Variants in ECRG4 observed in about 807,000 individuals in gnomAD.
The protein encoded by ECRG4 is ECRG4 augurin precursor, also known as augurin.
A neutral mutation model predicts 15.8 loss-of-function variants in ECRG4; 18 were observed. The observed-to-expected ratio is 1.14, with a 90% CI of 0.79 to 1.69. The LOEUF is 1.69. Ranked by LOEUF, ECRG4 falls within the 40% of genes most tolerant of loss-of-function variation. ECRG4 has a pLI of 0.00. For missense variants in ECRG4, 200 were observed against 190.9 expected, an observed-to-expected ratio of 1.05 and a Z score of -0.28; for synonymous variants, 82 against 73.9, an observed-to-expected ratio of 1.11 and a Z score of -0.56.
chr2:106,075,728 GAA>G (rs1161036702), intron 3 of ECRG4, among the ~76,000 whole-genome samples: 1 of 142,072 alleles, frequency 7.0e-6, no homozygotes, highest in African/African-American at 2.6e-5. Flanking sequence ...TCTCAAAAAA[GAA>G]AAAAAAAAGA....
At chr2:106,065,152 G>T (rs946973940), upstream of ECRG4, among the ~76,000 whole-genome samples, 14 of 152,050 alleles carry the variant, frequency 9.2e-5, no homozygotes, top group African/African-American at 3.4e-4. Flanking sequence ...CCCGCCTAAG[G>T]CATCCTTAAG....
chr2:106,069,214 TTTCTTTCTTCTTTCC>T (rs1676299997), intron 1 of ECRG4, among the ~76,000 whole-genome samples: 1 of 151,288 alleles, frequency 6.6e-6, no homozygotes, highest in Admixed American at 6.6e-5. Context: ...TTTATTTTCT[TTTCTTTCTTCTTTCC>T]TTCTTTCTTT....
chr2:106,075,736 A>G (rs1346458487), intron 3 of ECRG4, among the ~76,000 whole-genome samples: 2 of 151,868 alleles, frequency 1.3e-5, no homozygotes, highest in East Asian at 3.9e-4. Context: ...AAGAAAAAAA[A>G]AAGAGAGTTT....
Position 106,071,341 on chromosome 2 carries a change from AAAAAAAAAAAAG to A in ECRG4, c.80-499_80-488del, listed in dbSNP as rs1469386315. ...AGGCTGTAAAAAAAAAAAAAAAAAAAAAAAAAAAAAAGAAAGAAAGAAAAGAAAAGAAAATAA... is the reference window on the plus strand; with the variant it reads ...AGGCTGTAAAAAAAAAAAAAAAAAAAAAAGAAAGAAAAGAAAAGAAAATAA... On this transcript the variant is annotated intron_variant, in intron 1 of 3. Coordinates refer to ENST00000238044, the MANE Select transcript of ECRG4 (RefSeq NM_032411.3). 9.0e-5 allele frequency among the ~76,000 whole-genome samples: 12 copies of A among 133,506 alleles called. No homozygotes were observed. The East Asian group carries it at 3.3e-3, about 37-fold the overall frequency. The allele number at this position is 133,506 out of a possible 152,430, so 87.6% of individuals were successfully genotyped here. A position where few individuals can be genotyped will look rare whatever the true frequency, so the allele number is the denominator to read the frequency against.
At position 106,077,915 on chromosome 2, in the gene ECRG4, G is replaced by A. The variant is rs752036758; in HGVS notation, c.436G>A (p.Asp146Asn). The change falls in exon 4 of 4, where the codon GAT becomes AAT. Residue 146 changes from aspartate (D) to asparagine (N), a missense_variant. Transcript: ENST00000238044. ...TAGGCATGGAGCCAGCGTCAACTAC[G>A]ATGACTACTAACCATGACTTGCCAC... Reference protein sequence around the residue: ...GFRHGASVNYDDY With the variant: ...GFRHGASVNYNDY 6.2e-6 allele frequency: 10 copies of A among 1,613,828 alleles called. No individual in the cohort carries two copies. The highest frequency in any genetic ancestry group is 3.3e-5 in the Admixed American group (2 of 59,968).
chr2:106,066,967 C>T (rs372733083), intron 1 of ECRG4, among the ~76,000 whole-genome samples: 46 of 150,778 alleles, frequency 3.1e-4, no homozygotes, highest in African/African-American at 1.1e-3. Context: ...GTATGGTTTA[C>T]CTGCCTCCCA....
chr2:106,077,615 T>C, intron 3 of ECRG4, 150 bp from the exon 4 acceptor site: 1 of 680,178 alleles, frequency 1.5e-6, no homozygotes, highest in Non-Finnish European at 2.4e-6. Flanking sequence ...TTTTGGCCTC[T>C]GAGCACAAGA....
chr2:106,067,075 G>GGGGGGGGGGGGGGC (rs1676239008), intron 1 of ECRG4, among the ~76,000 whole-genome samples: 1 of 70,750 alleles, frequency 1.4e-5, no homozygotes, highest in Non-Finnish European at 2.8e-5. Context: ...GGGGGGGGGG[G>GGGGGGGGGGGGGGC]CAGATCACCT....
intron 3 of ECRG4, among the ~76,000 whole-genome samples, chr2:106,075,632 G>T (rs1206077969): frequency 6.6e-6 from 1 of 152,192 alleles, no homozygotes; most frequent in South Asian, 2.1e-4. Flanking sequence ...TGAGACAGGA[G>T]AATCCTTCGA....
chr2:106,064,648 G>C (rs1676164652), upstream of ECRG4, among the ~76,000 whole-genome samples: 2 of 152,158 alleles, frequency 1.3e-5, no homozygotes, highest in Admixed American at 1.3e-4. Flanking sequence ...CTGCACTCCA[G>C]CCTGGGCAAC....
intron 3 of ECRG4, among the ~76,000 whole-genome samples, chr2:106,077,021 C>A (rs1676501806): frequency 6.6e-6 from 1 of 152,158 alleles, no homozygotes; most frequent in South Asian, 2.1e-4. Context: ...AAAACCTGAC[C>A]ATCATTCTAC....
chr2:106,074,686 A>G (rs1676448219), intron 3 of ECRG4, among the ~76,000 whole-genome samples: 1 of 152,336 alleles, frequency 6.6e-6, no homozygotes, highest in East Asian at 1.9e-4. Context: ...ATGCTGCCGC[A>G]TGGGCATCCA....
At chr2:106,077,528 T>C (rs1460827636) in intron 3 of ECRG4, among the ~76,000 whole-genome samples, 1 of 152,206 alleles carries the variant, frequency 6.6e-6, no homozygotes, top group Non-Finnish European at 1.5e-5. Context: ...GCAAATATTT[T>C]ACAAAAGTTT....
intron 1 of ECRG4, among the ~76,000 whole-genome samples, chr2:106,066,125 G>T (rs1363155306): frequency 6.6e-6 from 1 of 152,224 alleles, no homozygotes; most frequent in Non-Finnish European, 1.5e-5. Context: ...GCGTCCGAAG[G>T]GTGGGCAAGT....
intron 3 of ECRG4, 33 bp from the exon 4 acceptor site, chr2:106,077,731 TC>T (rs753296695): frequency 4.0e-5 from 64 of 1,605,594 alleles, no homozygotes; most frequent in Middle Eastern, 1.7e-4. Context: ...TGACCTTAAA[TC>T]CATTCTCTAT....
intron 1 of ECRG4, among the ~76,000 whole-genome samples, chr2:106,067,987 C>T (rs557916552): frequency 4.1e-4 from 59 of 143,998 alleles, no homozygotes; most frequent in Non-Finnish European, 8.4e-4. Context: ...GGTGTGTTGA[C>T]TCCACGCCTG....
Position 106,071,644 on chromosome 2 carries a change from C to T in ECRG4, c.80-200C>T, listed in dbSNP as rs565240862. 2.8e-4 allele frequency among the ~76,000 whole-genome samples: 42 copies of T among 152,326 alleles called. 2 individuals are homozygous for T. The South Asian group carries it at 8.3e-3, about 30-fold the overall frequency. ...ACCCTTGGTCGGCTGTGGTCATTAT[C>T]ACCAGTATTAGCCATGGGCAGCCTG... On this transcript the variant is annotated intron_variant, in intron 1 of 3. Transcript: ENST00000238044.
chr2:106,067,873 T>G (rs1676258277), intron 1 of ECRG4, among the ~76,000 whole-genome samples: 1 of 151,850 alleles, frequency 6.6e-6, no homozygotes. Flanking sequence ...CTCACTTTGT[T>G]GCCTAGGCAG....
intron 1 of ECRG4, among the ~76,000 whole-genome samples, chr2:106,066,566 C>T (rs1159696469): frequency 6.6e-6 from 1 of 152,166 alleles, no homozygotes; most frequent in Middle Eastern, 3.2e-3. Context: ...GTAGGAGGAA[C>T]ATTTATGGTT....
Sources: allele counts gnomAD v4.1 joint callset (sites outside exome capture counted in the v4.1 genomes callset), GRCh38; gene constraint gnomAD v4.1.1; transcripts MANE v1.5; gene names NCBI Gene and HGNC (gene_info 2026-07-23, HGNC 2026-07-21).